The following CDH8 variants were observed in gnomAD, a reference collection of about 807,000 sequenced individuals.
The protein encoded by CDH8 is cadherin 8, also known as cadherin-8.
A neutral mutation model predicts 68.1 loss-of-function variants in CDH8; 17 were observed. The observed-to-expected ratio is 0.25, with a 90% confidence interval of 0.17 to 0.37. The LOEUF (loss-of-function observed/expected upper bound fraction) is 0.37, where lower values mean the gene tolerates loss of function less well. Ranked by LOEUF, CDH8 falls within the 10% of genes least tolerant of loss-of-function variation. The probability of loss-of-function intolerance (pLI) is 1.00; values close to 1 mark genes in which losing one functional copy is unlikely to be tolerated. For missense variants in CDH8, 763 were observed against 999.3 expected (o/e 0.76, Z 3.19); for synonymous variants, 372 against 365.1 (o/e 1.02, Z -0.21).
intron 10 of CDH8, among the ~76,000 whole-genome samples, chr16:61,673,175 T>C (rs1410427217): frequency 6.6e-6 from 1 of 152,150 alleles, no homozygotes; most frequent in Admixed American, 6.6e-5. Context: ...GCCTCTCTTA[T>C]CTTAATGTGT....
chr16:61,650,800 C>T lies in CDH8; in HGVS notation c.*2808G>A, dbSNP rs898686296. 2 of 151,490 alleles carry T rather than the reference C, an allele frequency of 1.3e-5. No individual in the cohort carries two copies. Among genetic ancestry groups the T allele is most frequent in the African/African-American group, 4.9e-5 (2 of 41,200 alleles). The allele number at this position is 151,490 out of a possible 1,614,324, so 9.4% of individuals were successfully genotyped here. ...TTCATGACACTCTAAAAGTATAGGT[C>T]AATCTTATTAGGATCAAGGTATTAG... On this transcript the variant is annotated 3_prime_UTR_variant, in exon 12 of 12. Coordinates refer to ENST00000577390, the MANE Select transcript of CDH8 (RefSeq NM_001796.5).
At position 61,956,745 on chromosome 16, in the gene CDH8, C is replaced by T. The variant is rs373985849; in HGVS notation, c.253-55272G>A. Among the ~76,000 whole-genome samples the T allele has an allele frequency of 1.6e-3, 238 of 152,200 alleles. 1 individual carries two copies. Among genetic ancestry groups the T allele is most frequent in the African/African-American group, 5.6e-3 (233 of 41,548 alleles). On this transcript the variant is annotated intron_variant, in intron 2 of 11. Coordinates refer to ENST00000577390, the MANE Select transcript of CDH8 (RefSeq NM_001796.5). ...AATGCTCAATTCTGTGCAACTCATT[C>T]CAACTTCAATAGTATTTTTATTGGT...
intron 1 of CDH8, among the ~76,000 whole-genome samples, chr16:62,022,933 A>T (rs1311895129): frequency 6.6e-6 from 1 of 152,126 alleles, no homozygotes; most frequent in Non-Finnish European, 1.5e-5. Context: ...GCTTAACCTG[A>T]TGAGTATAGA....
intron 8 of CDH8, among the ~76,000 whole-genome samples, chr16:61,752,798 T>G (rs1369114194): frequency 1.3e-5 from 2 of 152,206 alleles, no homozygotes; most frequent in Admixed American, 1.3e-4. Context: ...TACAGAAAAG[T>G]GTAACATGTT....
chr16:61,986,212 C>T (rs573570723), intron 2 of CDH8, among the ~76,000 whole-genome samples: 1 of 152,222 alleles, frequency 6.6e-6, no homozygotes, highest in Non-Finnish European at 1.5e-5. Flanking sequence ...GCGTGAGCTA[C>T]CACACCTGGC....
At chr16:61,993,389 G>A (rs565701711) in intron 2 of CDH8, among the ~76,000 whole-genome samples, 11 of 151,144 alleles carry the variant, frequency 7.3e-5, no homozygotes, top group Non-Finnish European at 1.2e-4. Context: ...GTGTGATCTC[G>A]GCTCACAGCA....
At chr16:61,858,729 G>A (rs1963096340) in intron 3 of CDH8, among the ~76,000 whole-genome samples, 1 of 152,146 alleles carries the variant, frequency 6.6e-6, no homozygotes, top group African/African-American at 2.4e-5. Flanking sequence ...CACAACGAAA[G>A]CCTCATTGGA....
intron 3 of CDH8, among the ~76,000 whole-genome samples, chr16:61,882,226 C>T (rs532866710): frequency 1.3e-5 from 2 of 152,222 alleles, no homozygotes; most frequent in South Asian, 4.1e-4. Context: ...ATGTGTTTTA[C>T]TCGATGGATA....
chr16:61,782,395 G>A (rs1472310694), intron 8 of CDH8, among the ~76,000 whole-genome samples: 1 of 151,974 alleles, frequency 6.6e-6, no homozygotes, highest in South Asian at 2.1e-4. Context: ...TTAAAAAACG[G>A]CGCACCACGA....
At chr16:62,020,900 A>T (rs1405794579) in intron 2 of CDH8, among the ~76,000 whole-genome samples, 1 of 152,158 alleles carries the variant, frequency 6.6e-6, no homozygotes, top group Admixed American at 6.5e-5. Context: ...TTGTTTTTGC[A>T]TTATATAAGC....
chr16:62,014,131 T>G (rs1170544650), intron 2 of CDH8, among the ~76,000 whole-genome samples: 1 of 152,174 alleles, frequency 6.6e-6, no homozygotes, highest in Non-Finnish European at 1.5e-5. Context: ...AGTTTGCTCA[T>G]GAACAAACTA....
chr16:61,961,275 A>G (rs1343715981), intron 2 of CDH8, among the ~76,000 whole-genome samples: 2 of 151,950 alleles, frequency 1.3e-5, no homozygotes, highest in African/African-American at 2.4e-5. Flanking sequence ...ATATCGCACC[A>G]CTGCTCTCCA....
At chr16:61,808,387 A>G (rs1319167793) in intron 7 of CDH8, among the ~76,000 whole-genome samples, 1 of 152,190 alleles carries the variant, frequency 6.6e-6, no homozygotes. Flanking sequence ...CCATGAAGGA[A>G]ACAAATTCCT....
chr16:61,809,346 T>C (rs1230044042), intron 7 of CDH8, among the ~76,000 whole-genome samples: 1 of 152,088 alleles, frequency 6.6e-6, no homozygotes, highest in Non-Finnish European at 1.5e-5. Context: ...AAAAGGTGAC[T>C]TTCCTGCATG....
At chr16:62,029,883 T>C (rs1323469078) in intron 1 of CDH8, among the ~76,000 whole-genome samples, 2 of 152,220 alleles carry the variant, frequency 1.3e-5, no homozygotes, top group African/African-American at 4.8e-5. Flanking sequence ...AACTTTAGCA[T>C]TGATGACAGA....
At position 61,681,024 on chromosome 16, in the gene CDH8, A is replaced by T. The variant is rs200497347; in HGVS notation, c.1655-25303T>A. 9.2e-5 allele frequency among the ~76,000 whole-genome samples: 14 copies of T among 152,014 alleles called. No homozygotes were observed. In the East Asian group the frequency reaches 2.7e-3, roughly 29 times the overall value. ...ATATATATTTAAAAAAAGGACCGTA[A>T]AAGTTGTTTGTGGAGACAGGGAGAA... On this transcript the variant is annotated intron_variant, in intron 10 of 11. Transcript: ENST00000577390.
intron 7 of CDH8, among the ~76,000 whole-genome samples, chr16:61,799,153 C>T (rs1203948162): frequency 2.0e-5 from 3 of 152,112 alleles, no homozygotes; most frequent in Admixed American, 6.5e-5. Flanking sequence ...CCCAGCAATG[C>T]CAGGGGCAAT....
At position 62,001,721 on chromosome 16, in the gene CDH8, G is replaced by T. The variant is rs142982935; in HGVS notation, c.252+19431C>A. ...GTTTTAGGGTACAGGCGCACAACAT[G>T]CAGGTTAGGTACGTATGTATACATG... On this transcript the variant is annotated intron_variant, in intron 2 of 11. Coordinates refer to ENST00000577390, the MANE Select transcript of CDH8 (RefSeq NM_001796.5). 4.2e-3 allele frequency among the ~76,000 whole-genome samples: 635 copies of T among 152,184 alleles called. 3 individuals carry two copies. The highest frequency in any genetic ancestry group is 0.014 in the African/African-American group (591 of 41,512).
chr16:61,655,800 A>C, intron 10 of CDH8, 79 bp from the exon 11 acceptor site: 1 of 1,301,756 alleles, frequency 7.7e-7, no homozygotes, highest in Admixed American at 1.9e-5. Context: ...CTAGTTCATG[A>C]ACCCTTTGCA....
Sources: gnomAD v4.1 joint callset for allele counts (sites outside exome capture counted in the v4.1 genomes callset) on GRCh38, gnomAD v4.1.1 for gene constraint, MANE v1.5 for transcripts, NCBI Gene and HGNC (gene_info 2026-07-23, HGNC 2026-07-21) for gene names.